The following CCN2 variants were observed in gnomAD, a reference collection of about 807,000 sequenced individuals.
CCN2 encodes the protein cellular communication network factor 2.
Under a neutral mutation model 33.2 loss-of-function variants are expected in CCN2, and 22 were observed. The observed-to-expected ratio is 0.66, with a 90% CI of 0.47 to 0.95. The LOEUF is 0.95. Ranked by LOEUF, CCN2 falls within the 40% of genes least tolerant of loss-of-function variation. The pLI, the probability that CCN2 is intolerant of heterozygous loss-of-function variation, is 0.00. For missense variants in CCN2, 469 were observed against 498.8 expected, an observed-to-expected ratio of 0.94 and a Z score of 0.57; for synonymous variants, 178 against 200.6, an observed-to-expected ratio of 0.89 and a Z score of 0.95.
Position 131,950,791 on chromosome 6 carries a change from G to C in CCN2, c.268C>G (p.Arg90Gly). 1 of 1,545,512 alleles carries C rather than the reference G, an allele frequency of 6.5e-7. No homozygotes were observed. Among genetic ancestry groups the C allele is most frequent in the Non-Finnish European group, 8.7e-7 (1 of 1,152,866 alleles). Reference protein sequence around the residue: ...LFCHFGSPANRKIGVCTAKDG... With the variant: ...LFCHFGSPANGKIGVCTAKDG... ...TTACCGGTGCACACGCCGATCTTGC[G>C]GTTGGCCGGGGAGCCGAAGTGACAG... is the stretch of plus-strand genomic sequence containing the variant. The change falls in exon 2 of 5, where the codon CGC becomes GGC. Residue 90 changes from arginine (R) to glycine (G), a missense_variant. Arg to Gly is a moderately radical substitution (Grantham distance 125). Transcript: ENST00000367976. The surrounding 1 kb of genome is among the most constrained non-coding windows in gnomAD (Gnocchi z 7.1).
Position 131,949,017 on chromosome 6 carries a change from T to C in CCN2, c.*247A>G. The C allele has an allele frequency of 1.9e-6, 1 of 533,634 alleles. No homozygotes were observed. Among genetic ancestry groups the C allele is most frequent in the South Asian group, 2.1e-5 (1 of 47,102 alleles). 33.1% of individuals were successfully genotyped at this position (533,634 alleles called of 1,614,324 possible). ...CTGCTCCTAAAGCCACACCTTAATATACATTCTGGTGCTGTGTACTAATGT... is the reference window on the plus strand; with the variant it reads ...CTGCTCCTAAAGCCACACCTTAATACACATTCTGGTGCTGTGTACTAATGT... On this transcript the variant is annotated 3_prime_UTR_variant, in exon 5 of 5. Coordinates refer to ENST00000367976, the MANE Select transcript of CCN2 (RefSeq NM_001901.4).
At position 131,948,245 on chromosome 6, in the gene CCN2, C is replaced by T. The variant is rs546104135; in HGVS notation, c.*1019G>A. On this transcript the variant is annotated 3_prime_UTR_variant, in exon 5 of 5. Transcript: ENST00000367976. ...AACATGTAACTTTTGGTCACACTCTCAACAAATAAACTGTCCGAAAAACAG... is the reference window on the plus strand; with the variant it reads ...AACATGTAACTTTTGGTCACACTCTTAACAAATAAACTGTCCGAAAAACAG... The T allele has an allele frequency of 1.0e-3, 154 of 152,690 alleles. No individual in the cohort carries two copies. Among genetic ancestry groups the T allele is most frequent in the African/African-American group, 3.5e-3 (147 of 41,548 alleles). The allele number at this position is 152,690 out of a possible 1,614,324, so 9.5% of individuals were successfully genotyped here. A position where few individuals can be genotyped will look rare whatever the true frequency, so the allele number is the denominator to read the frequency against.
At position 131,949,434 on chromosome 6, in the gene CCN2, T is replaced by A. The variant is rs768198949; in HGVS notation, c.880A>T (p.Thr294Ser). Residue 294 changes from threonine to serine, a missense_variant, in exon 5 of 5, where the codon ACC (threonine) becomes TCC (serine). Coordinates refer to ENST00000367976, the MANE Select transcript of CCN2 (RefSeq NM_001901.4). ...GGCAGGGTGGTGGTTCTGTGGGGGGTGCAGCATCGGCCGTCGGTACATACT... is the reference window on the plus strand; with the variant it reads ...GGCAGGGTGGTGGTTCTGTGGGGGGAGCAGCATCGGCCGTCGGTACATACT... ...CGVCTDGRCCTPHRTTTLPVE... is the reference protein window; with the variant it reads ...CGVCTDGRCCSPHRTTTLPVE... The A allele has an allele frequency of 1.9e-6, 3 of 1,614,066 alleles. No individual in the cohort carries two copies. The highest frequency in any genetic ancestry group is 2.5e-6 in the Non-Finnish European group (3 of 1,180,012).
Position 131,951,312 on chromosome 6 carries a change from G to C in CCN2, c.-140C>G. On this transcript the variant is annotated 5_prime_UTR_variant, in exon 1 of 5. Coordinates refer to ENST00000367976, the MANE Select transcript of CCN2 (RefSeq NM_001901.4). The stretch of plus-strand genomic sequence containing the variant: ...GGGGCTGTCGGCCGGGGCGGCTGCC[G>C]TCGAGCTGGAGGGTGGAGTCGCACT... 1 of 666,502 alleles carries C rather than the reference G, an allele frequency of 1.5e-6. No individual in the cohort carries two copies. The allele number at this position is 666,502 out of a possible 1,614,324, so 41.3% of individuals were successfully genotyped here.
Position 131,949,111 on chromosome 6 carries a change from G to T in CCN2, c.*153C>A. 1.5e-6 allele frequency: 1 copy of T among 688,532 alleles called. No individual in the cohort carries two copies. Among genetic ancestry groups the T allele is most frequent in the Non-Finnish European group, 2.5e-6 (1 of 406,750 alleles). 42.7% of individuals were successfully genotyped at this position (688,532 alleles called of 1,614,324 possible). On this transcript the variant is annotated 3_prime_UTR_variant, in exon 5 of 5. Coordinates refer to ENST00000367976, the MANE Select transcript of CCN2 (RefSeq NM_001901.4). ...GGTTGATAGACTATTTGTTTGACAT[G>T]GCACAATGTTTTGAATTGGGTGGGA... is the stretch of plus-strand genomic sequence containing the variant.
In CCN2 at chr6:131,951,340, C is replaced by T. The variant is rs1042055547; in HGVS notation, c.-168G>A. On this transcript the variant is annotated 5_prime_UTR_variant, in exon 1 of 5. Transcript: ENST00000367976. ...GAGCTGGAGGGTGGAGTCGCACTGG[C>T]TGTCTCCTCTCAGCGGGGAAGAGTT... The T allele has an allele frequency of 1.3e-5, 6 of 468,792 alleles. No homozygotes were observed. Among genetic ancestry groups the T allele is most frequent in the African/African-American group, 1.0e-4 (5 of 49,068 alleles). The allele number at this position is 468,792 out of a possible 1,614,324, so 29.0% of individuals were successfully genotyped here. A position where few individuals can be genotyped will look rare whatever the true frequency, so the allele number is the denominator to read the frequency against.
rs1439180412 is a variant in CCN2 at position 131,950,749 on chromosome 6, G to T, written c.289+21C>A. 3 of 1,525,308 alleles carry T rather than the reference G, an allele frequency of 2.0e-6. No individual in the cohort carries two copies. Among genetic ancestry groups the T allele is most frequent in the East Asian group, 2.4e-5 (1 of 41,496 alleles). 94.5% of individuals were successfully genotyped at this position (1,525,308 alleles called of 1,614,324 possible). A position where few individuals can be genotyped will look rare whatever the true frequency, so the allele number is the denominator to read the frequency against. On this transcript the variant is annotated intron_variant, in intron 2 of 4. Transcript: ENST00000367976. The surrounding 1 kb of genome is among the most constrained non-coding windows in gnomAD (Gnocchi z 7.1). Reference sequence around the variant, plus strand: ...GGGAGGAGGCGGCCGGACACCTAGCGGTGGGGGCTGCGGGTCTTACCGGTG... The same window carrying T: ...GGGAGGAGGCGGCCGGACACCTAGCTGTGGGGGCTGCGGGTCTTACCGGTG...
intron 4 of CCN2, 135 bp downstream of exon 4, chr6:131,949,814 T>G (rs1783075208): frequency 2.2e-6 from 2 of 926,488 alleles, no homozygotes; most frequent in Non-Finnish European, 3.2e-6. Context: ...AAGCTCTCAT[T>G]CCAGCAAAAC....
chr6:131,950,708 G>C lies in CCN2; in HGVS notation c.289+62C>G, dbSNP rs868791465. On this transcript the variant is annotated intron_variant, in intron 2 of 4. Coordinates refer to ENST00000367976, the MANE Select transcript of CCN2 (RefSeq NM_001901.4). The surrounding 1 kb of genome is among the most constrained non-coding windows in gnomAD (Gnocchi z 7.1). ...AGTCCGAGCGGTTTCTTTTTCCAGC[G>C]GGCGGGTGGGCGTGAGGGAGGAGGC... is the stretch of plus-strand genomic sequence containing the variant. 12 of 1,472,920 alleles carry C rather than the reference G, an allele frequency of 8.1e-6. No individual in the cohort carries two copies. The highest frequency in any genetic ancestry group is 1.1e-5 in the Non-Finnish European group (12 of 1,102,890). 91.2% of individuals were successfully genotyped at this position (1,472,920 alleles called of 1,614,324 possible). A position where few individuals can be genotyped will look rare whatever the true frequency, so the allele number is the denominator to read the frequency against.
In CCN2 at chr6:131,951,153, C is replaced by A; in HGVS notation, c.20G>T (p.Gly7Val). MTAASMGPVRVAFVVLL... is the reference protein window; with the variant it reads MTAASMVPVRVAFVVLL... ...GACCACGAAGGCGACGCGGACGGGG[C>A]CCATACTGGCGGCGGTCATGGTTGG... The change falls in exon 1 of 5, where the codon GGC (glycine) becomes GTC (valine). Residue 7 changes from glycine (G) to valine (V), a missense_variant. Coordinates refer to ENST00000367976, the MANE Select transcript of CCN2 (RefSeq NM_001901.4). 1 of 1,343,866 alleles carries A rather than the reference C, an allele frequency of 7.4e-7. No homozygotes were observed. The allele number at this position is 1,343,866 out of a possible 1,614,324, so 83.2% of individuals were successfully genotyped here. A position where few individuals can be genotyped will look rare whatever the true frequency, so the allele number is the denominator to read the frequency against.
chr6:131,950,621 G>C lies in CCN2; in HGVS notation c.290-78C>G, dbSNP rs112682825. 5.8e-3 allele frequency: 9,013 copies of C among 1,566,400 alleles called. 388 individuals carry two copies. The African/African-American group carries it at 0.098, about 17-fold the overall frequency. ...GGGCACTCTCACATCCAGAGCGTCA[G>C]GGATGCGAGTTGGGATCTGGGCTGC... On this transcript the variant is annotated intron_variant, in intron 2 of 4. Coordinates refer to ENST00000367976, the MANE Select transcript of CCN2 (RefSeq NM_001901.4). The surrounding 1 kb of genome is among the most constrained non-coding windows in gnomAD (Gnocchi z 7.1).
rs1022191520 is a variant in CCN2, at chr6:131,951,246, T to G, written c.-74A>C. On this transcript the variant is annotated 5_prime_UTR_variant, in exon 1 of 5. Coordinates refer to ENST00000367976, the MANE Select transcript of CCN2 (RefSeq NM_001901.4). ...GCGGCGGGGCCTGGAGCGCTGGCGG[T>G]GGTCGGAGGTGGGGACCGGGACGCG... 1.0e-5 allele frequency: 12 copies of G among 1,199,354 alleles called. No homozygotes were observed. The highest frequency in any genetic ancestry group is 1.1e-5 in the Non-Finnish European group (11 of 958,132). The allele number at this position is 1,199,354 out of a possible 1,614,324, so 74.3% of individuals were successfully genotyped here.
chr6:131,949,134 G>T lies in CCN2; in HGVS notation c.*130C>A. On this transcript the variant is annotated 3_prime_UTR_variant, in exon 5 of 5. Transcript: ENST00000367976. ...ATGGCACAATGTTTTGAATTGGGTGGGAATCTTTTCCCCCAGTTAGAAAAA... is the reference window on the plus strand; with the variant it reads ...ATGGCACAATGTTTTGAATTGGGTGTGAATCTTTTCCCCCAGTTAGAAAAA... The T allele has an allele frequency of 1.2e-6, 1 of 800,320 alleles. No homozygotes were observed. Among genetic ancestry groups the T allele is most frequent in the Non-Finnish European group, 2.0e-6 (1 of 495,150 alleles). The allele number at this position is 800,320 out of a possible 1,614,324, so 49.6% of individuals were successfully genotyped here.
rs764127258 is a variant in CCN2, at chr6:131,950,642, G to T, written c.290-99C>A. On this transcript the variant is annotated intron_variant, in intron 2 of 4. Coordinates refer to ENST00000367976, the MANE Select transcript of CCN2 (RefSeq NM_001901.4). This position sits in a 1 kb window ranked among gnomAD's most constrained non-coding sequence, Gnocchi z 7.1. ...GTCAGGGATGCGAGTTGGGATCTGG[G>T]CTGCAGGGGGCGGGCTGGCAGCAGC... The T allele has an allele frequency of 6.8e-5, 105 of 1,537,746 alleles. No homozygotes were observed. The highest frequency in any genetic ancestry group is 9.1e-5 in the Non-Finnish European group (103 of 1,133,088).
chr6:131,950,249 G>A lies in CCN2; in HGVS notation c.541+43C>T. 6.2e-7 allele frequency: 1 copy of A among 1,610,312 alleles called. No individual in the cohort carries two copies. Among genetic ancestry groups the A allele is most frequent in the Non-Finnish European group, 8.5e-7 (1 of 1,177,056 alleles). On this transcript the variant is annotated intron_variant, in intron 3 of 4. Coordinates refer to ENST00000367976, the MANE Select transcript of CCN2 (RefSeq NM_001901.4). This position sits in a 1 kb window ranked among gnomAD's most constrained non-coding sequence, Gnocchi z 7.1. ...TCGGCACAGTTAGGACTCCCTCCCT[G>A]GGAGAGAATCACGACCCTGACTTAG...
chr6:131,949,225 G>A lies in CCN2; in HGVS notation c.*39C>T. 2 of 1,548,640 alleles carry A rather than the reference G, an allele frequency of 1.3e-6. No homozygotes were observed. Among genetic ancestry groups the A allele is most frequent in the Non-Finnish European group, 1.8e-6 (2 of 1,122,932 alleles). On this transcript the variant is annotated 3_prime_UTR_variant, in exon 5 of 5. Transcript: ENST00000367976. ...AAAAATGAGATGTGAATCAGTTCAA[G>A]TTCCAGTCTAATGAGTTAATGTCTC...
At chr6:131,949,588 GAAAA>G (rs59140114) in intron 4 of CCN2, 28 bp from the exon 5 acceptor site, 1 of 1,065,316 alleles carries the variant, frequency 9.4e-7, no homozygotes, top group South Asian at 1.3e-5. Flanking sequence ...AAAGAGAGAG[GAAAA>G]AAAAAAATCA....
Position 131,950,584 on chromosome 6 carries a change from G to T in CCN2, c.290-41C>A. Reference sequence around the variant, plus strand: ...GGAAGAGAGGGGTGGGGGATGCAGAGGTCAGGCATTGGGGCACTCTCACAT... The same window carrying T: ...GGAAGAGAGGGGTGGGGGATGCAGATGTCAGGCATTGGGGCACTCTCACAT... On this transcript the variant is annotated intron_variant, in intron 2 of 4. Transcript: ENST00000367976. The surrounding 1 kb of genome is among the most constrained non-coding windows in gnomAD (Gnocchi z 7.1). The T allele has an allele frequency of 6.2e-7, 1 of 1,600,594 alleles. No homozygotes were observed. The highest frequency in any genetic ancestry group is 1.3e-5 in the African/African-American group (1 of 74,904).
At chr6:131,951,046 C>A (rs965497939) in intron 1 of CCN2, 54 bp from the exon 2 acceptor site, 3 of 1,261,050 alleles carry the variant, frequency 2.4e-6, no homozygotes, top group Admixed American at 4.3e-5. Flanking sequence ...ACGCCCTCCC[C>A]GGCCGGCCCC....
Sources: allele counts gnomAD v4.1 joint callset, GRCh38; gene constraint gnomAD v4.1.1; non-coding constraint Gnocchi (gnomAD v3.1); transcripts MANE v1.5; gene names NCBI Gene and HGNC (gene_info 2026-07-23, HGNC 2026-07-21).